The following BBS9 variants were observed in gnomAD, a reference collection of about 807,000 sequenced individuals.
The protein encoded by BBS9 is Bardet-Biedl syndrome 9, also known as protein PTHB1.
BBS9 carries 89 observed loss-of-function variants against 117.7 expected under a neutral mutation model. The observed-to-expected ratio is 0.76, with a 90% CI of 0.64 to 0.90. The LOEUF (loss-of-function observed/expected upper bound fraction) is 0.90. BBS9 is among the 40% of genes least tolerant of loss of function. The probability of loss-of-function intolerance (pLI) is 0.00; values close to 1 mark genes in which losing one functional copy is unlikely to be tolerated. For synonymous variants in BBS9, 379 were observed against 370.9 expected, an observed-to-expected ratio of 1.02 and a Z score of -0.25; for missense variants, 982 against 1,042.2, an observed-to-expected ratio of 0.94 and a Z score of 0.80.
At chr7:33,585,417 CA>C (rs1262534682) in intron 21 of BBS9, among the ~76,000 whole-genome samples, 1 of 152,032 alleles carries the variant, frequency 6.6e-6, no homozygotes, top group Non-Finnish European at 1.5e-5. Context: ...TCCTTTCTGA[CA>C]AGGAGAAGCG....
intron 17 of BBS9, among the ~76,000 whole-genome samples, chr7:33,370,240 T>G (rs1018944136): frequency 6.6e-6 from 1 of 151,980 alleles, no homozygotes; most frequent in Non-Finnish European, 1.5e-5. Flanking sequence ...GGAGGATCGC[T>G]TAAGCCTAGC....
At chr7:33,479,089 T>C (rs191127734) in intron 19 of BBS9, among the ~76,000 whole-genome samples, 3 of 152,292 alleles carry the variant, frequency 2.0e-5, no homozygotes, top group African/African-American at 7.2e-5. Context: ...TTTCTTTTTT[T>C]CTTTTTCTTC....
intron 16 of BBS9, among the ~76,000 whole-genome samples, chr7:33,362,308 T>TA (rs1434510904): frequency 6.6e-6 from 1 of 152,196 alleles, no homozygotes. Context: ...TAATGGTTCA[T>TA]AAATTTACTG....
At chr7:33,556,169 A>G (rs1448221013) in intron 21 of BBS9, among the ~76,000 whole-genome samples, 1 of 152,202 alleles carries the variant, frequency 6.6e-6, no homozygotes, top group Admixed American at 6.5e-5. Context: ...ATTAGACAGC[A>G]AGTCTCTCTC....
intron 2 of BBS9, among the ~76,000 whole-genome samples, chr7:33,149,264 T>C (rs1792922867): frequency 1.3e-5 from 2 of 152,196 alleles, no homozygotes; most frequent in Admixed American, 1.3e-4. Flanking sequence ...GAAGCTTTTT[T>C]CCACAGTGCC....
intron 5 of BBS9, among the ~76,000 whole-genome samples, chr7:33,241,064 A>G (rs1794437479): frequency 1.3e-5 from 2 of 152,164 alleles, no homozygotes; most frequent in South Asian, 4.1e-4. Context: ...TCTTAGGGGT[A>G]TATTACTTAA....
At chr7:33,563,976 T>G (rs1356139636) in intron 21 of BBS9, among the ~76,000 whole-genome samples, 1 of 152,208 alleles carries the variant, frequency 6.6e-6, no homozygotes, top group Non-Finnish European at 1.5e-5. Flanking sequence ...TTACTGGAAC[T>G]TATGCTTTAT....
intron 19 of BBS9, among the ~76,000 whole-genome samples, chr7:33,482,313 G>A (rs1250175493): frequency 6.6e-6 from 1 of 152,142 alleles, no homozygotes; most frequent in Non-Finnish European, 1.5e-5. Context: ...CTTGGATGGG[G>A]GAACACATCC....
chr7:33,280,905 G>GTTTTTTTTTTTTTTTTTTTTTT lies in BBS9; in HGVS notation c.1016+6954_1016+6955insTTTTTTTTTTTTTTTTTTTTTT, dbSNP rs748350404. ...GTTTAAGTTTTGCTGTTAATTTGTC[G>GTTTTTTTTTTTTTTTTTTTTTT]TTTTTGTTTTTTTTTTTTTTTTTTT... On this transcript the variant is annotated intron_variant, in intron 9 of 22. Coordinates refer to ENST00000242067, the MANE Select transcript of BBS9 (RefSeq NM_198428.3). Among the ~76,000 whole-genome samples the GTTTTTTTTTTTTTTTTTTTTTT allele has an allele frequency of 2.1e-4, 10 of 48,770 alleles. 3 individuals are homozygous for GTTTTTTTTTTTTTTTTTTTTTT. Among genetic ancestry groups the GTTTTTTTTTTTTTTTTTTTTTT allele is most frequent in the East Asian group, 1.0e-3 (2 of 1,996 alleles). 32.0% of individuals were successfully genotyped at this position (48,770 alleles called of 152,430 possible).
At chr7:33,286,574 T>G (rs1399867652) in intron 9 of BBS9, among the ~76,000 whole-genome samples, 2 of 152,174 alleles carry the variant, frequency 1.3e-5, no homozygotes, top group Non-Finnish European at 2.9e-5. Flanking sequence ...GAGTTTATTT[T>G]TATGGGTTCC....
intron 5 of BBS9, among the ~76,000 whole-genome samples, chr7:33,222,919 C>T (rs1790528833): frequency 6.6e-6 from 1 of 151,024 alleles, no homozygotes; most frequent in Admixed American, 6.6e-5. Context: ...CGCCACTGTA[C>T]TCCAGCCTGG....
At chr7:33,334,049 C>T (rs974627814) in intron 9 of BBS9, among the ~76,000 whole-genome samples, 3 of 152,094 alleles carry the variant, frequency 2.0e-5, no homozygotes, top group Non-Finnish European at 4.4e-5. Flanking sequence ...CACTTGAACA[C>T]GTGAAATACC....
chr7:33,384,612 G>A (rs1445764271), intron 18 of BBS9, among the ~76,000 whole-genome samples: 1 of 152,026 alleles, frequency 6.6e-6, no homozygotes, highest in Non-Finnish European at 1.5e-5. Context: ...ATACAAGAGG[G>A]GAATTTTGAG....
Position 33,623,095 on chromosome 7 carries a change from TAAGAAAA to T in BBS9, c.2522-12081_2522-12075del, listed in dbSNP as rs1442580585. Reference sequence around the variant, plus strand: ...AATTTATAGTCATCAAAAGACACTATAAGAAAAGATAAAAATCATGTCATAAAGTGGA... The same window carrying T: ...AATTTATAGTCATCAAAAGACACTATGATAAAAATCATGTCATAAAGTGGA... On this transcript the variant is annotated intron_variant, in intron 21 of 21. Coordinates refer to the BBS9 transcript ENST00000671952. 9.5e-4 allele frequency among the ~76,000 whole-genome samples: 144 copies of T among 152,194 alleles called. 1 individual carries two copies. The Middle Eastern group carries it at 0.01, about 11-fold the overall frequency.
Position 33,505,450 on chromosome 7 carries a change from G to T in BBS9, c.2116-13G>T. ...GTGAAATTATCCCTAACCGAAGTTT[G>T]TAATATCTGCAGGTAATTGCTCTAG... On this transcript the variant is annotated splice_polypyrimidine_tract_variant and intron_variant, in intron 19 of 22. Transcript: ENST00000242067. 6.2e-7 allele frequency: 1 copy of T among 1,613,916 alleles called. No individual in the cohort carries two copies. Among genetic ancestry groups the T allele is most frequent in the Non-Finnish European group, 8.5e-7 (1 of 1,179,794 alleles).
intron 19 of BBS9, among the ~76,000 whole-genome samples, chr7:33,388,784 A>T (rs73688170): frequency 0.015 from 2,322 of 152,308 alleles, 70 homozygotes; most frequent in African/African-American, 0.053. Context: ...AAATAATTTT[A>T]AAAAATCATG....
rs184318551 is a variant in BBS9 at position 33,470,178 on chromosome 7, C to A, written c.2116-35285C>A. Among the ~76,000 whole-genome samples the A allele has an allele frequency of 2.0e-5, 3 of 152,190 alleles. No individual in the cohort carries two copies. In the East Asian group the frequency reaches 5.8e-4, roughly 29 times the overall value. On this transcript the variant is annotated intron_variant, in intron 19 of 22. Transcript: ENST00000242067. ...TATTGTACTAAATCCAACTGTGGTA[C>A]TACTTTGCCTTTTCATAACAATATA...
In BBS9 at chr7:33,605,634, A is replaced by T. The variant is rs1329813040; in HGVS notation, c.*408A>T. The T allele has an allele frequency of 8.7e-6, 2 of 228,742 alleles. No homozygotes were observed. The highest frequency in any genetic ancestry group is 1.7e-5 in the Non-Finnish European group (2 of 115,112). 14.2% of individuals were successfully genotyped at this position (228,742 alleles called of 1,614,324 possible). ...ATAAAGCATCTCATTGTCAAATAAT[A>T]TCTTGGATTTTATTTATAATTAGAG... is the stretch of plus-strand genomic sequence containing the variant. On this transcript the variant is annotated 3_prime_UTR_variant, in exon 23 of 23. Coordinates refer to ENST00000242067, the MANE Select transcript of BBS9 (RefSeq NM_198428.3).
At chr7:33,151,884 G>C (rs1447153411) in intron 2 of BBS9, among the ~76,000 whole-genome samples, 1 of 133,122 alleles carries the variant, frequency 7.5e-6, no homozygotes, top group African/African-American at 2.7e-5. Flanking sequence ...CAGTGACAAG[G>C]TCTTGTTCTT....
Sources: gnomAD v4.1 joint callset for allele counts (sites outside exome capture counted in the v4.1 genomes callset) on GRCh38, gnomAD v4.1.1 for gene constraint, MANE v1.5 for transcripts, NCBI Gene and HGNC (gene_info 2026-07-23, HGNC 2026-07-21) for gene names.